Variants in VPS13D observed in about 807,000 individuals in gnomAD.
VPS13D encodes vacuolar protein sorting 13 homolog D, also known as intermembrane lipid transfer protein VPS13D.
In VPS13D, 187 loss-of-function variants were observed where a neutral mutation model predicts 461.9. The observed-to-expected ratio is 0.40, with a 90% CI of 0.36 to 0.46. The LOEUF (loss-of-function observed/expected upper bound fraction) is 0.46, where lower values mean the gene tolerates loss of function less well. VPS13D is among the 20% of genes least tolerant of loss of function. The probability of loss-of-function intolerance (pLI) is 0.60; values close to 1 mark genes in which losing one functional copy is unlikely to be tolerated. For synonymous variants in VPS13D, 1,951 were observed against 1,986.3 expected (o/e 0.98, Z 0.47); for missense variants, 4,711 against 5,364.9 (o/e 0.88, Z 3.81).
intron 60 of VPS13D, among the ~76,000 whole-genome samples, chr1:12,395,996 GATATATATATATATATATAT>G (rs58476786): frequency 6.8e-5 from 5 of 73,806 alleles, no homozygotes; most frequent in Non-Finnish European, 1.2e-4. Context: ...ACTAATAGGA[GATATATATATATATATATAT>G]ATATATATAT....
intron 60 of VPS13D, among the ~76,000 whole-genome samples, chr1:12,390,442 C>T (rs1644409559): frequency 6.6e-6 from 1 of 152,138 alleles, no homozygotes; most frequent in Non-Finnish European, 1.5e-5. Context: ...AGCATGAGTC[C>T]ACTGCCGCAC....
chr1:12,358,331 A>C, intron 49 of VPS13D, 128 bp from the exon 50 acceptor site: 1 of 1,251,162 alleles, frequency 8.0e-7, no homozygotes, highest in Non-Finnish European at 1.1e-6. Context: ...ATCACATGAG[A>C]GTGAGGAAGA....
At chr1:12,243,731 C>T (rs1480203438) in intron 3 of VPS13D, among the ~76,000 whole-genome samples, 1 of 152,150 alleles carries the variant, frequency 6.6e-6, no homozygotes, top group Non-Finnish European at 1.5e-5. Flanking sequence ...TCTCATCAGC[C>T]CAGGTTCTCA....
rs1221945246 is a variant in VPS13D at position 12,272,852 on chromosome 1, C to T, written c.2104-151C>T. The T allele has an allele frequency of 1.0e-5, 11 of 1,074,090 alleles. No homozygotes were observed. In the African/African-American group the frequency reaches 1.8e-4, roughly 17 times the overall value. The allele number at this position is 1,074,090 out of a possible 1,614,324, so 66.5% of individuals were successfully genotyped here. A position where few individuals can be genotyped will look rare whatever the true frequency, so the allele number is the denominator to read the frequency against. Reference sequence around the variant, plus strand: ...AATTTCTCAGATCCTCAAGCATTTACATCTACTTTTGTCTTAGACTTTTTG... The same window carrying T: ...AATTTCTCAGATCCTCAAGCATTTATATCTACTTTTGTCTTAGACTTTTTG... On this transcript the variant is annotated intron_variant, in intron 17 of 69. Transcript: ENST00000620676.
At chr1:12,456,818 G>A (rs544046491) in intron 66 of VPS13D, among the ~76,000 whole-genome samples, 5 of 152,168 alleles carry the variant, frequency 3.3e-5, no homozygotes, top group Admixed American at 6.5e-5. Flanking sequence ...TTCGTTCTCT[G>A]GCTTCTGTTC....
intron 67 of VPS13D, among the ~76,000 whole-genome samples, chr1:12,469,052 C>A (rs866717529): frequency 0.021 from 3,186 of 149,306 alleles, 45 homozygotes; most frequent in Non-Finnish European, 0.029. Flanking sequence ...AAAAAAAAAA[C>A]AAAAAACTTT....
In VPS13D at chr1:12,506,942, G is replaced by A. The variant is rs779548294; in HGVS notation, c.12884G>A (p.Arg4295Gln). The A allele has an allele frequency of 7.4e-6, 12 of 1,614,122 alleles. No individual in the cohort carries two copies. Among genetic ancestry groups the A allele is most frequent in the Admixed American group, 1.7e-5 (1 of 60,012 alleles). ...CTGAAAAGTGGAGACTACGTGGATC[G>A]AGAAGCCATTTTCCTAGAAGTCAAA... The part of the protein sequence containing the change: ...YFLKSGDYVD[R>Q]EAIFLEVKYD... Residue 4295 changes from arginine (R) to glutamine (Q), a missense_variant, in exon 69 of 70, where the codon CGA (arginine) becomes CAA (glutamine). This residue lies in a region of VPS13D where 194 missense variants were observed against 220.9 expected (regional missense o/e 0.88). Transcript: ENST00000620676.
Position 12,363,101 on chromosome 1 carries a change from C to T in VPS13D, c.10302C>T (p.Ser3434=). 1 of 1,614,148 alleles carries T rather than the reference C, an allele frequency of 6.2e-7. No homozygotes were observed. The change falls in exon 52 of 70, where the codon TCC becomes TCT. Residue 3434 remains serine (S), a synonymous_variant. Transcript: ENST00000620676. ...CAGCCAATCCCGAAGGTTACATTTC[C>T]ACCCTTCCTGGTTCCAGTGTGGTGT... ...QGTANPEGYI[S]TLPGSSVVFH... is the part of the protein sequence containing the mutation.
chr1:12,390,897 T>C (rs527834473), intron 60 of VPS13D, among the ~76,000 whole-genome samples: 1 of 152,204 alleles, frequency 6.6e-6, no homozygotes, highest in East Asian at 1.9e-4. Flanking sequence ...GGCCGAGTGG[T>C]GTCCACAGAA....
chr1:12,412,746 T>C (rs1644745656), intron 63 of VPS13D, among the ~76,000 whole-genome samples: 1 of 152,194 alleles, frequency 6.6e-6, no homozygotes, highest in Non-Finnish European at 1.5e-5. Flanking sequence ...TAGACAAAAA[T>C]TTCTTAACCA....
intron 5 of VPS13D, among the ~76,000 whole-genome samples, chr1:12,246,570 T>C (rs1345272814): frequency 3.9e-5 from 6 of 152,210 alleles, no homozygotes; most frequent in Non-Finnish European, 1.5e-5. Context: ...CCTGTACATA[T>C]ACATCTCTCA....
intron 55 of VPS13D, 149 bp downstream of exon 55, chr1:12,374,007 A>G: frequency 4.1e-6 from 2 of 490,678 alleles, no homozygotes; most frequent in Non-Finnish European, 7.2e-6. Context: ...GGTCAGTGTT[A>G]GGGCGGATGA....
intron 65 of VPS13D, among the ~76,000 whole-genome samples, chr1:12,450,230 ACTGT>A (rs1557446212): frequency 1.3e-5 from 2 of 152,166 alleles, no homozygotes; most frequent in South Asian, 2.1e-4. Flanking sequence ...GTGTTTGGTA[ACTGT>A]CAGGGTAAGA....
At position 12,277,826 on chromosome 1, in the gene VPS13D, G is replaced by C; in HGVS notation, c.4238G>C (p.Gly1413Ala). The change falls in exon 19 of 70, where the codon GGA becomes GCA. Residue 1413 changes from glycine to alanine, a missense_variant. This residue lies in a region of VPS13D where 4,411 missense variants were observed against 4,937.8 expected (regional missense o/e 0.89). Transcript: ENST00000620676. ...ATATTCATCCAGAATTTTGTGGCGG[G>C]AGATGATGAATCCAGAAGTGACCGT... is the stretch of plus-strand genomic sequence containing the variant. ...GQIFIQNFVA[G>A]DDESRSDRLQ... The C allele has an allele frequency of 6.2e-7, 1 of 1,614,084 alleles. No individual in the cohort carries two copies. The highest frequency in any genetic ancestry group is 8.5e-7 in the Non-Finnish European group (1 of 1,179,974).
At chr1:12,506,340 G>A (rs1200057865) in intron 68 of VPS13D, among the ~76,000 whole-genome samples, 1 of 152,212 alleles carries the variant, frequency 6.6e-6, no homozygotes, top group East Asian at 1.9e-4. Context: ...CTGACTCTTT[G>A]AGTTTTCTGA....
intron 67 of VPS13D, among the ~76,000 whole-genome samples, chr1:12,488,171 A>G (rs530333793): frequency 6.6e-6 from 1 of 152,348 alleles, no homozygotes; most frequent in South Asian, 2.1e-4. Flanking sequence ...ACAATTTTAA[A>G]TACTGCACTT....
intron 42 of VPS13D, among the ~76,000 whole-genome samples, chr1:12,343,594 C>CAA (rs1229659412): frequency 2.0e-5 from 3 of 152,004 alleles, no homozygotes; most frequent in African/African-American, 7.3e-5. Context: ...AGGCTGGTCT[C>CAA]AAACTCCTGG....
chr1:12,463,247 G>C (rs943134010), intron 67 of VPS13D, among the ~76,000 whole-genome samples: 1 of 152,336 alleles, frequency 6.6e-6, no homozygotes, highest in Admixed American at 6.5e-5. Context: ...GGAGGTGCCA[G>C]TAGTGGGAGA....
At chr1:12,430,799 G>A (rs1205820553) in intron 65 of VPS13D, among the ~76,000 whole-genome samples, 4 of 152,168 alleles carry the variant, frequency 2.6e-5, no homozygotes, top group Admixed American at 6.6e-5. Flanking sequence ...TAGTCTCAGC[G>A]GGTCATGCAA....
Sources: gnomAD v4.1 joint callset for allele counts (sites outside exome capture counted in the v4.1 genomes callset) on GRCh38, gnomAD v4.1.1 for gene constraint, gnomAD v4.1.1 regional missense constraint, MANE v1.5 for transcripts, NCBI Gene and HGNC (gene_info 2026-07-23, HGNC 2026-07-21) for gene names.